ACE: variants seen among roughly 807,000 people sequenced by gnomAD.
ACE encodes angiotensin I converting enzyme.
ACE carries 122 observed loss-of-function variants against 162.3 expected under a neutral mutation model. The observed-to-expected ratio is 0.75, with a 90% CI of 0.65 to 0.87. ACE has a LOEUF of 0.87. Among genes scored for constraint, ACE ranks in the 40% least tolerant of loss-of-function variants. The pLI, the probability that ACE is intolerant of heterozygous loss-of-function variation, is 0.00. For synonymous variants in ACE, 796 were observed against 720.6 expected, an observed-to-expected ratio of 1.10 and a Z score of -1.68; for missense variants, 1,799 against 1,735.1, an observed-to-expected ratio of 1.04 and a Z score of -0.65.
Position 63,485,272 on chromosome 17 carries a change from T to C in ACE, c.1958T>C (p.Val653Ala). The C allele has an allele frequency of 6.2e-7, 1 of 1,613,730 alleles. No homozygotes were observed. Among genetic ancestry groups the C allele is most frequent in the South Asian group, 1.1e-5 (1 of 91,048 alleles). Residue 653 changes from valine (V) to alanine (A), a missense_variant, in exon 13 of 25, where the codon GTG (valine) becomes GCG (alanine). Coordinates refer to ENST00000290866, the MANE Select transcript of ACE (RefSeq NM_000789.4). ...GATGAGGCTGAGGCCAGCAAGTTTG[T>C]GGAGGAATATGACCGGACATCCCAG... ...VTDEAEASKF[V>A]EEYDRTSQVV...
rs1599159825 is a variant in ACE at position 63,497,706 on chromosome 17, A to G, written c.*340A>G. On this transcript the variant is annotated 3_prime_UTR_variant, in exon 25 of 25. Coordinates refer to ENST00000290866, the MANE Select transcript of ACE (RefSeq NM_000789.4). ...TGGCAGTCAAGTGGGTCCCGTTACT[A>G]GGTTTGTTCCTCCATCCTCCTTCAG... 1.9e-6 allele frequency: 1 copy of G among 516,334 alleles called. No homozygotes were observed. The highest frequency in any genetic ancestry group is 3.0e-4 in the Middle Eastern group (1 of 3,380). The allele number at this position is 516,334 out of a possible 1,614,324, so 32.0% of individuals were successfully genotyped here. A position where few individuals can be genotyped will look rare whatever the true frequency, so the allele number is the denominator to read the frequency against.
rs1009225186 is a variant in ACE at position 63,497,118 on chromosome 17, C to T, written c.3692-19C>T. 4 of 1,600,578 alleles carry T rather than the reference C, an allele frequency of 2.5e-6. No individual in the cohort carries two copies. In the Admixed American group the frequency reaches 5.1e-5, roughly 20 times the overall value. On this transcript the variant is annotated intron_variant, in intron 24 of 24. Coordinates refer to ENST00000290866, the MANE Select transcript of ACE (RefSeq NM_000789.4). ...CCCTGCCCTGCCCTGCCCATGCTGT[C>T]TCCTTGCTTCCCGCTCAGCTCGCTC...
At position 63,484,727 on chromosome 17, in the gene ACE, A is replaced by G. The variant is rs2029864064; in HGVS notation, c.1921+186A>G. The G allele has an allele frequency of 1.4e-6, 2 of 1,455,754 alleles. No homozygotes were observed. Among genetic ancestry groups the G allele is most frequent in the South Asian group, 1.4e-5 (1 of 69,620 alleles). The allele number at this position is 1,455,754 out of a possible 1,614,324, so 90.2% of individuals were successfully genotyped here. A position where few individuals can be genotyped will look rare whatever the true frequency, so the allele number is the denominator to read the frequency against. On this transcript the variant is annotated intron_variant, in intron 12 of 24. Coordinates refer to ENST00000290866, the MANE Select transcript of ACE (RefSeq NM_000789.4). This position sits in a 1 kb window ranked among gnomAD's most constrained non-coding sequence, Gnocchi z 4.0. The stretch of plus-strand genomic sequence containing the variant: ...GGGACAGGCATGTCTTTCCCCCAGC[A>G]TCCTAGAGAGGGTGTGCTCAGACCT...
At chr17:63,483,823 C>T in intron 10 of ACE, 26 bp from the exon 11 acceptor site, 2 of 1,613,850 alleles carry the variant, frequency 1.2e-6, no homozygotes, top group African/African-American at 1.3e-5. Context: ...CCATGATCTT[C>T]CCTGACTCCC....
intron 17 of ACE, among the ~76,000 whole-genome samples, chr17:63,489,670 G>A (rs186968830): frequency 2.0e-5 from 3 of 152,306 alleles, no homozygotes; most frequent in East Asian, 3.9e-4. Context: ...TGAAGTAGGC[G>A]GTGAGGACAG....
Position 63,497,216 on chromosome 17 carries a change from G to A in ACE, c.3771G>A (p.Val1257=), listed in dbSNP as rs767628762. 1.1e-5 allele frequency: 17 copies of A among 1,597,578 alleles called. No homozygotes were observed. The East Asian group carries it at 3.1e-4, about 30-fold the overall frequency. The stretch of plus-strand genomic sequence containing the variant: ...ACCTGGATGCGCAGCAGGCCCGCGT[G>A]GGCCAGTGGCTGCTGCTCTTCCTGG... ...GLDLDAQQAR[V]GQWLLLFLGI... The change falls in exon 25 of 25, where the codon GTG becomes GTA. Residue 1257 remains valine (V), a synonymous_variant. Transcript: ENST00000290866.
rs2030162732 is a variant in ACE at position 63,488,741 on chromosome 17, A to C, written c.2399A>C (p.Gln800Pro). The C allele has an allele frequency of 1.2e-6, 2 of 1,613,832 alleles. No homozygotes were observed. The highest frequency in any genetic ancestry group is 2.7e-5 in the African/African-American group (2 of 74,926). ...WRDKAGRAIL[Q>P]FYPKYVELIN... ...GACAAGGCGGGGAGAGCCATCCTCCAGTTTTACCCGAAATACGTGGAACTC... is the reference window on the plus strand; with the variant it reads ...GACAAGGCGGGGAGAGCCATCCTCCCGTTTTACCCGAAATACGTGGAACTC... Residue 800 changes from glutamine to proline, a missense_variant, in exon 16 of 25, where the codon CAG becomes CCG. Coordinates refer to ENST00000290866, the MANE Select transcript of ACE (RefSeq NM_000789.4).
At chr17:63,480,304 C>A in intron 4 of ACE, 33 bp from the exon 5 acceptor site, 2 of 1,610,870 alleles carry the variant, frequency 1.2e-6, no homozygotes, top group Non-Finnish European at 8.5e-7. Context: ...GAGCCTTTGG[C>A]CTGAGCTACA....
chr17:63,493,778 A>G, intron 20 of ACE, 119 bp downstream of exon 20: 1 of 1,519,616 alleles, frequency 6.6e-7, no homozygotes, highest in Non-Finnish European at 9.0e-7. Flanking sequence ...AGCAATCGGA[A>G]GGAAGGGAGC....
chr17:63,480,656 C>A, intron 5 of ACE, 128 bp downstream of exon 5: 1 of 1,048,106 alleles, frequency 9.5e-7, no homozygotes, highest in Non-Finnish European at 1.5e-6. Context: ...GGGCATCATA[C>A]TGTTTGCTTC....
chr17:63,483,051 A>C lies in ACE; in HGVS notation c.1365A>C (p.Leu455=). 6.2e-7 allele frequency: 1 copy of C among 1,614,168 alleles called. No homozygotes were observed. Among genetic ancestry groups the C allele is most frequent in the Non-Finnish European group, 8.5e-7 (1 of 1,180,020 alleles). The stretch of plus-strand genomic sequence containing the variant: ...CAGAAAGTGACATCAATTACTTGCT[A>C]AAAATGGCACTGGAAAAAATTGCCT... The part of the protein sequence containing the change: ...NDTESDINYL[L]KMALEKIAFL... Residue 455 remains leucine (L), a synonymous_variant, in exon 9 of 25, where the codon CTA becomes CTC. Coordinates refer to ENST00000290866, the MANE Select transcript of ACE (RefSeq NM_000789.4).
At chr17:63,483,585 C>A in intron 10 of ACE, 27 bp downstream of exon 10, 1 of 1,535,672 alleles carries the variant, frequency 6.5e-7, no homozygotes, top group East Asian at 2.3e-5. Context: ...CCCACCCACC[C>A]CCAGTACTGT....
In ACE at chr17:63,485,191, A is replaced by G. The variant is rs1006402874; in HGVS notation, c.1922-45A>G. On this transcript the variant is annotated intron_variant, in intron 12 of 24. Coordinates refer to ENST00000290866, the MANE Select transcript of ACE (RefSeq NM_000789.4). ...TTCTGGTGAGACCACAAACCTGGAGAGGGGAGGCAGAGGTTTGTCTGTTTC... is the reference window on the plus strand; with the variant it reads ...TTCTGGTGAGACCACAAACCTGGAGGGGGGAGGCAGAGGTTTGTCTGTTTC... 1.9e-6 allele frequency: 3 copies of G among 1,613,384 alleles called. No homozygotes were observed. The African/African-American group carries it at 4.0e-5, about 22-fold the overall frequency.
At chr17:63,483,316 G>A (rs2049744743) in intron 9 of ACE, 143 bp downstream of exon 9, 3 of 1,505,472 alleles carry the variant, frequency 2.0e-6, no homozygotes, top group Middle Eastern at 1.7e-4. Flanking sequence ...CTCCTTTCCT[G>A]CCTGAAACTC....
Position 63,497,168 on chromosome 17 carries a change from C to A in ACE, c.3723C>A (p.Gly1241=). The change falls in exon 25 of 25, where the codon GGC becomes GGA. Residue 1241 remains glycine (G), a synonymous_variant. Transcript: ENST00000290866. ...CAGAAGGGCCCCTCCCAGACAGCGG[C>A]CGCGTCAGCTTCCTGGGCCTGGACC... ...ARSEGPLPDS[G]RVSFLGLDLD... 6.2e-7 allele frequency: 1 copy of A among 1,604,150 alleles called. No individual in the cohort carries two copies. Among genetic ancestry groups the A allele is most frequent in the Non-Finnish European group, 8.5e-7 (1 of 1,179,266 alleles).
Position 63,493,934 on chromosome 17 carries a change from A to C in ACE, c.3149A>C (p.Asn1050Thr). The part of the protein sequence containing the change: ...SEGGSDEHDI[N>T]FLMKMALDKI... Reference sequence around the variant, plus strand: ...CCTTCCCTTGCAGAGCATGACATCAACTTTCTGATGAAGATGGCCCTTGAC... The same window carrying C: ...CCTTCCCTTGCAGAGCATGACATCACCTTTCTGATGAAGATGGCCCTTGAC... Residue 1050 changes from asparagine to threonine, a missense_variant, in exon 21 of 25, where the codon AAC becomes ACC. Physicochemically the swap from Asn to Thr is moderately conservative, Grantham distance 65 (BLOSUM62 0). Coordinates refer to ENST00000290866, the MANE Select transcript of ACE (RefSeq NM_000789.4). The C allele has an allele frequency of 1.9e-6, 3 of 1,614,132 alleles. No homozygotes were observed. Among genetic ancestry groups the C allele is most frequent in the South Asian group, 1.1e-5 (1 of 91,072 alleles).
chr17:63,479,164 C>T, intron 3 of ACE, 64 bp downstream of exon 3: 1 of 1,345,548 alleles, frequency 7.4e-7, no homozygotes, highest in Non-Finnish European at 1.0e-6. Flanking sequence ...CTGCTGCACT[C>T]CAGACCATGC....
In ACE at chr17:63,484,417, G is replaced by C. The variant is rs772221735; in HGVS notation, c.1797G>C (p.Leu599=). Reference sequence around the variant, plus strand: ...TAGATGCCCTGGATGCCCAGCCGCTGCTCAAGTACTTCCAGCCAGTCACCC... The same window carrying C: ...TAGATGCCCTGGATGCCCAGCCGCTCCTCAAGTACTTCCAGCCAGTCACCC... ...VGLDALDAQP[L]LKYFQPVTQW... Residue 599 remains leucine (L), a synonymous_variant, in exon 12 of 25, where the codon CTG becomes CTC. Transcript: ENST00000290866. This position sits in a 1 kb window ranked among gnomAD's most constrained non-coding sequence, Gnocchi z 4.0. The C allele has an allele frequency of 1.2e-6, 2 of 1,612,416 alleles. No homozygotes were observed. Among genetic ancestry groups the C allele is most frequent in the Non-Finnish European group, 1.7e-6 (2 of 1,179,926 alleles).
At chr17:63,487,722 T>G (rs532770069) in intron 15 of ACE, among the ~76,000 whole-genome samples, 1 of 152,100 alleles carries the variant, frequency 6.6e-6, no homozygotes, top group African/African-American at 2.4e-5. Flanking sequence ...ACCTCCCAGC[T>G]CCCTCTCAAC....
Sources: gnomAD v4.1 joint callset for allele counts (sites outside exome capture counted in the v4.1 genomes callset) on GRCh38, gnomAD v4.1.1 for gene constraint, Gnocchi (gnomAD v3.1) non-coding constraint, MANE v1.5 for transcripts, NCBI Gene and HGNC (gene_info 2026-07-23, HGNC 2026-07-21) for gene names.